Variants in SYNJ2 observed in about 807,000 individuals in gnomAD.
SYNJ2 encodes synaptojanin 2, also known as polyphosphatidylinositol phosphatase SYNJ2.
SYNJ2 carries 116 observed loss-of-function variants against 141.3 expected under a neutral mutation model. That is an observed-to-expected ratio of 0.82 (90% CI 0.71 to 0.96). The LOEUF (loss-of-function observed/expected upper bound fraction) is 0.96. SYNJ2 is among the 40% of genes least tolerant of loss of function. The pLI, the probability that SYNJ2 is intolerant of heterozygous loss-of-function variation, is 0.00. For missense variants in SYNJ2, 1,873 were observed against 1,934.8 expected (o/e 0.97, Z 0.60); for synonymous variants, 745 against 777.7 (o/e 0.96, Z 0.70).
chr6:158,054,914 T>A, intron 5 of SYNJ2, 53 bp from the exon 6 acceptor site: 49 of 1,592,026 alleles, frequency 3.1e-5, no homozygotes, highest in Non-Finnish European at 4.2e-5. Context: ...AACCATGGCC[T>A]CCTTGGTTTG....
intron 4 of SYNJ2, among the ~76,000 whole-genome samples, chr6:158,034,764 G>C (rs1258223378): frequency 6.6e-6 from 1 of 152,164 alleles, no homozygotes; most frequent in Non-Finnish European, 1.5e-5. Context: ...CTGTTCCTAT[G>C]TCTAGAATGG....
intron 1 of SYNJ2, among the ~76,000 whole-genome samples, chr6:157,993,165 C>T (rs1777513995): frequency 1.3e-5 from 2 of 151,114 alleles, no homozygotes; most frequent in African/African-American, 4.9e-5. Flanking sequence ...ACAAGGGTTT[C>T]CTTTTCTCCA....
chr6:158,092,847 A>T, intron 25 of SYNJ2, 79 bp from the exon 26 acceptor site: 2 of 1,304,580 alleles, frequency 1.5e-6, no homozygotes, highest in Non-Finnish European at 2.1e-6. Flanking sequence ...GACACTTAGG[A>T]TGTAGACTGT....
chr6:157,990,613 A>G (rs9459057), intron 1 of SYNJ2, among the ~76,000 whole-genome samples: 77,336 of 151,970 alleles, frequency 0.51, 21,189 homozygotes, highest in African/African-American at 0.72. Flanking sequence ...TGCTGCTCAG[A>G]CCCAGCGGAG....
At chr6:157,991,623 A>G (rs1375979753) in intron 1 of SYNJ2, among the ~76,000 whole-genome samples, 2 of 152,206 alleles carry the variant, frequency 1.3e-5, no homozygotes, top group African/African-American at 4.8e-5. Context: ...TTAAAAGAAA[A>G]AAGTTTTAAA....
rs1467070592 is a variant in SYNJ2, at chr6:158,064,965, T to G, written c.1499T>G (p.Met500Arg). 4.4e-6 allele frequency: 7 copies of G among 1,606,100 alleles called. No homozygotes were observed. Among genetic ancestry groups the G allele is most frequent in the Non-Finnish European group, 6.0e-6 (7 of 1,176,250 alleles). Reference sequence around the variant, plus strand: ...GAGGAGGTGGCAGACAAAGGGGGCATGCTGCTGGACAGCACGGCGCTCCTG... The same window carrying G: ...GAGGAGGTGGCAGACAAAGGGGGCAGGCTGCTGGACAGCACGGCGCTCCTG... ...YGEEVADKGG[M>R]LLDSTALLVT... Residue 500 changes from methionine (M) to arginine (R), a missense_variant, in exon 11 of 27, where the codon ATG becomes AGG. Transcript: ENST00000355585.
intron 26 of SYNJ2, among the ~76,000 whole-genome samples, chr6:158,093,520 G>A (rs1299546384): frequency 1.3e-5 from 2 of 151,880 alleles, no homozygotes; most frequent in African/African-American, 2.4e-5. Flanking sequence ...TCACGTTCAT[G>A]AGTCCCAGAC....
chr6:158,040,159 C>CTG lies in SYNJ2; in HGVS notation c.712-3144_712-3143dup, dbSNP rs374005845. ...ATTAATCTTCTTTCTCTGAGGCAGGCTGTGTGTGTGTGTGCATGGGTTGTA... is the reference window on the plus strand; with the variant it reads ...ATTAATCTTCTTTCTCTGAGGCAGGCTGTGTGTGTGTGTGTGCATGGGTTGTA... On this transcript the variant is annotated intron_variant, in intron 4 of 26. Transcript: ENST00000355585. The surrounding 1 kb of genome is among the most constrained non-coding windows in gnomAD (Gnocchi z 4.2). Among the ~76,000 whole-genome samples, 27 of 151,216 alleles carry CTG rather than the reference C, an allele frequency of 1.8e-4. No individual in the cohort carries two copies. The South Asian group carries it at 2.1e-3, about 12-fold the overall frequency.
chr6:157,996,444 G>A (rs1057483982), intron 1 of SYNJ2, among the ~76,000 whole-genome samples: 3 of 152,076 alleles, frequency 2.0e-5, no homozygotes, highest in African/African-American at 7.2e-5. Flanking sequence ...ACACAGCCCT[G>A]ATCCTCTGCC....
chr6:158,061,998 C>T lies in SYNJ2; in HGVS notation c.961C>T (p.Leu321Phe). ...EVLNRAFKKL[L>F]WASCHAGDTP... ...CCTCCCCTCCTCTTTTCAGAAGCTG[C>T]TCTGGGCTTCTTGCCACGCGGGCGA... is the stretch of plus-strand genomic sequence containing the variant. The change falls in exon 8 of 27, where the codon CTC (leucine) becomes TTC (phenylalanine). Residue 321 changes from leucine (L) to phenylalanine (F), a missense_variant. Transcript: ENST00000355585. The T allele has an allele frequency of 1.9e-6, 3 of 1,613,840 alleles. No homozygotes were observed. The highest frequency in any genetic ancestry group is 2.2e-5 in the East Asian group (1 of 44,872).
At chr6:158,080,824 C>T (rs1039472755) in intron 18 of SYNJ2, among the ~76,000 whole-genome samples, 1 of 152,180 alleles carries the variant, frequency 6.6e-6, no homozygotes, top group African/African-American at 2.4e-5. Flanking sequence ...ACTTTATTTT[C>T]CCCCTCAAAT....
intron 17 of SYNJ2, 152 bp downstream of exon 17, chr6:158,076,934 C>T (rs2128383174): frequency 1.0e-6 from 1 of 959,550 alleles, no homozygotes; most frequent in Non-Finnish European, 1.4e-6. Flanking sequence ...ACCTTAACCC[C>T]TAAGCTTTGG....
chr6:158,015,647 T>C (rs1250642962), intron 1 of SYNJ2, among the ~76,000 whole-genome samples: 3 of 152,212 alleles, frequency 2.0e-5, no homozygotes, highest in Admixed American at 2.0e-4. Context: ...ATCACATTAG[T>C]GTTGTTTCAG....
In SYNJ2 at chr6:158,093,092, A is replaced by G. The variant is rs1333926419; in HGVS notation, c.3732A>G (p.Arg1244=). 1.2e-6 allele frequency: 2 copies of G among 1,609,414 alleles called. No homozygotes were observed. The highest frequency in any genetic ancestry group is 1.1e-5 in the South Asian group (1 of 90,680). ...CTGCCATCAAGAAGCCAACCTTGAG[A>G]AGGACAGGAAAGGTAAAAGCCTGGT... The part of the protein sequence containing the change: ...RVPAIKKPTL[R]RTGKPLSPEE... Residue 1244 remains arginine, a synonymous_variant, in exon 26 of 27, where the codon AGA becomes AGG. Transcript: ENST00000355585.
intron 1 of SYNJ2, among the ~76,000 whole-genome samples, chr6:158,008,785 G>C (rs1241003185): frequency 6.6e-6 from 1 of 152,170 alleles, no homozygotes; most frequent in Non-Finnish European, 1.5e-5. Flanking sequence ...CCCAGGTGGC[G>C]CTAGCACCTC....
At chr6:158,008,178 G>A (rs1167570798) in intron 1 of SYNJ2, among the ~76,000 whole-genome samples, 1 of 152,140 alleles carries the variant, frequency 6.6e-6, no homozygotes, top group African/African-American at 2.4e-5. Flanking sequence ...TCACCATGTT[G>A]GCCAGGCTGG....
intron 4 of SYNJ2, among the ~76,000 whole-genome samples, chr6:158,037,671 G>T (rs1401820902): frequency 6.6e-6 from 1 of 152,300 alleles, no homozygotes; most frequent in South Asian, 2.1e-4. Flanking sequence ...AAAGTGCTGA[G>T]ATTACAGGTG....
intron 7 of SYNJ2, 55 bp from the exon 8 acceptor site, chr6:158,061,937 C>A: frequency 6.4e-7 from 1 of 1,571,870 alleles, no homozygotes; most frequent in Non-Finnish European, 8.7e-7. Context: ...GGAGCTTGCC[C>A]TCCTCGTCCT....
chr6:158,090,070 A>G, intron 25 of SYNJ2, 123 bp downstream of exon 25: 2 of 662,826 alleles, frequency 3.0e-6, no homozygotes, highest in South Asian at 3.6e-5. Flanking sequence ...TTAAATGAAA[A>G]CATCCTTTAG....
Sources: gnomAD v4.1 joint callset for allele counts (sites outside exome capture counted in the v4.1 genomes callset) on GRCh38, gnomAD v4.1.1 for gene constraint, Gnocchi (gnomAD v3.1) non-coding constraint, MANE v1.5 for transcripts, NCBI Gene and HGNC (gene_info 2026-07-23, HGNC 2026-07-21) for gene names.